FUT8: variants seen among roughly 807,000 people sequenced by gnomAD.
FUT8 encodes the protein fucosyltransferase 8.
In FUT8, 29 loss-of-function variants were observed where a neutral mutation model predicts 71.3. The ratio of observed to expected loss-of-function variants is 0.41; its 90% CI spans 0.30 to 0.55. The LOEUF is 0.55. FUT8 is among the 20% of genes least tolerant of loss of function. The probability of loss-of-function intolerance (pLI) is 0.34; values close to 1 mark genes in which losing one functional copy is unlikely to be tolerated. For synonymous variants in FUT8, 254 were observed against 239.3 expected, an observed-to-expected ratio of 1.06 and a Z score of -0.57; for missense variants, 544 against 702.1, an observed-to-expected ratio of 0.77 and a Z score of 2.55.
intron 1 of FUT8, 88 bp from the exon 2 acceptor site, chr14:65,455,528 TAAAGA>T (rs2065884410): frequency 5.1e-6 from 2 of 394,938 alleles, no homozygotes; most frequent in Non-Finnish European, 8.9e-6. Flanking sequence ...ACTGGCTACA[TAAAGA>T]AAAGTTAAAG....
At chr14:65,715,222 A>G (rs1486130748) in intron 7 of FUT8, among the ~76,000 whole-genome samples, 1 of 152,150 alleles carries the variant, frequency 6.6e-6, no homozygotes, top group Admixed American at 6.5e-5. Flanking sequence ...ATCTATGTAT[A>G]TGGCTTTTAT....
At chr14:65,531,451 T>C (rs2139913573) in intron 2 of FUT8, among the ~76,000 whole-genome samples, 1 of 152,078 alleles carries the variant, frequency 6.6e-6, no homozygotes, top group South Asian at 2.1e-4. Context: ...GCCCAGGGCA[T>C]CAGAATTGTA....
At chr14:65,407,675 A>G (rs563524898), upstream of FUT8, among the ~76,000 whole-genome samples, 1 of 152,330 alleles carries the variant, frequency 6.6e-6, no homozygotes, top group East Asian at 1.9e-4. Flanking sequence ...GATATACAAG[A>G]TAGAGTTTTT....
chr14:65,606,961 A>T (rs1394657310), intron 3 of FUT8, among the ~76,000 whole-genome samples: 1 of 151,888 alleles, frequency 6.6e-6, no homozygotes, highest in East Asian at 1.9e-4. Context: ...TCCTTGAAAG[A>T]TTATGATTCT....
chr14:65,442,529 A>ACATG (rs2065676885), intron 1 of FUT8, among the ~76,000 whole-genome samples: 1 of 151,502 alleles, frequency 6.6e-6, no homozygotes, highest in Non-Finnish European at 1.5e-5. Flanking sequence ...ATACATACAT[A>ACATG]CATACATACA....
At chr14:65,553,511 T>C (rs532077951) in intron 2 of FUT8, among the ~76,000 whole-genome samples, 1 of 152,282 alleles carries the variant, frequency 6.6e-6, no homozygotes, top group African/African-American at 2.4e-5. Flanking sequence ...GCTATTTTTG[T>C]GTGTGCAGAT....
intron 2 of FUT8, among the ~76,000 whole-genome samples, chr14:65,486,217 T>C (rs2139701457): frequency 6.6e-6 from 1 of 152,358 alleles, no homozygotes; most frequent in Admixed American, 6.5e-5. Flanking sequence ...CCCCCAATTA[T>C]TCTGCATATA....
chr14:65,512,636 T>C (rs1278449122), intron 2 of FUT8, among the ~76,000 whole-genome samples: 3 of 150,004 alleles, frequency 2.0e-5, no homozygotes. Context: ...TTTTGCCGGC[T>C]GTGGTGGCTC....
chr14:65,678,832 C>T (rs191721619), intron 7 of FUT8, among the ~76,000 whole-genome samples: 13 of 152,220 alleles, frequency 8.5e-5, no homozygotes, highest in African/African-American at 2.9e-4. Context: ...AAATACATAA[C>T]AGTGAGGGCC....
chr14:65,487,552 G>A (rs982580159), intron 2 of FUT8, among the ~76,000 whole-genome samples: 1 of 138,560 alleles, frequency 7.2e-6, no homozygotes, highest in Non-Finnish European at 1.5e-5. Context: ...GCAGCAGAGT[G>A]AGACTCCGTC....
intron 3 of FUT8, among the ~76,000 whole-genome samples, chr14:65,611,469 G>T (rs1052505668): frequency 1.3e-5 from 2 of 150,422 alleles, no homozygotes; most frequent in Admixed American, 1.3e-4. Flanking sequence ...TTCATTGATC[G>T]TCTCTCTGAT....
chr14:65,574,865 C>T lies in FUT8; in HGVS notation c.203+13099C>T, dbSNP rs1886669061. Reference sequence around the variant, plus strand: ...GAGCAGATTCTGTGAAACATATCCTCTGAGGAGGAACCATAAGCATGGCTT... The same window carrying T: ...GAGCAGATTCTGTGAAACATATCCTTTGAGGAGGAACCATAAGCATGGCTT... On this transcript the variant is annotated intron_variant, in intron 3 of 10. Coordinates refer to ENST00000673929, the MANE Select transcript of FUT8 (RefSeq NM_001371533.1). The surrounding 1 kb of genome is among the most constrained non-coding windows in gnomAD (Gnocchi z 5.2). Among the ~76,000 whole-genome samples, 1 of 152,128 alleles carries T rather than the reference C, an allele frequency of 6.6e-6. No individual in the cohort carries two copies. Among genetic ancestry groups the T allele is most frequent in the Admixed American group, 6.5e-5 (1 of 15,274 alleles).
intron 3 of FUT8, among the ~76,000 whole-genome samples, chr14:65,604,815 A>G (rs1888486584): frequency 6.6e-6 from 1 of 151,964 alleles, no homozygotes; most frequent in Non-Finnish European, 1.5e-5. Flanking sequence ...TGAAGTATAT[A>G]TAACTTCTTA....
rs919504055 is a variant in FUT8 at position 65,413,807 on chromosome 14, A to G, written c.-326+593A>G. On this transcript the variant is annotated intron_variant, in intron 1 of 10. Transcript: ENST00000673929. This position sits in a 1 kb window ranked among gnomAD's most constrained non-coding sequence, Gnocchi z 4.1. Reference sequence around the variant, plus strand: ...ACGAGCTGGCGGCTTTTGAGTATCAACTTATTTGGGAAGGTTAAATGAGTC... The same window carrying G: ...ACGAGCTGGCGGCTTTTGAGTATCAGCTTATTTGGGAAGGTTAAATGAGTC... Among the ~76,000 whole-genome samples the G allele has an allele frequency of 3.3e-5, 5 of 152,160 alleles. No individual in the cohort carries two copies. The highest frequency in any genetic ancestry group is 9.7e-5 in the African/African-American group (4 of 41,432).
At chr14:65,405,347 T>C in the FUT8 span, among the ~76,000 whole-genome samples, 2 of 152,306 alleles carry the variant, frequency 1.3e-5, no homozygotes, top group Admixed American at 6.5e-5. Context: ...TTTGTGATTA[T>C]GGAAAAATGA....
At chr14:65,596,349 A>G (rs1274070950) in intron 3 of FUT8, among the ~76,000 whole-genome samples, 1 of 152,252 alleles carries the variant, frequency 6.6e-6, no homozygotes, top group Non-Finnish European at 1.5e-5. Context: ...GATTAAACAT[A>G]CTTATTAATC....
upstream of FUT8, chr14:65,412,039 TTCTC>T: frequency 2.2e-6 from 1 of 456,742 alleles, no homozygotes; most frequent in South Asian, 1.5e-5. Flanking sequence ...CCCCGTGCTG[TTCTC>T]TTTCCCGTAC....
chr14:65,662,582 CAAAAA>C (rs1566881968), intron 6 of FUT8, among the ~76,000 whole-genome samples: 1 of 152,100 alleles, frequency 6.6e-6, no homozygotes, highest in African/African-American at 2.4e-5. Flanking sequence ...CACTAATACT[CAAAAA>C]GAACACACAC....
intron 9 of FUT8, among the ~76,000 whole-genome samples, chr14:65,729,034 G>GTT (rs557668131): frequency 0.026 from 2,732 of 103,562 alleles, 83 homozygotes; most frequent in African/African-American, 0.047. Flanking sequence ...TTGTAAACAT[G>GTT]TTTTTTTTTT....
Sources: allele counts gnomAD v4.1 joint callset (sites outside exome capture counted in the v4.1 genomes callset), GRCh38; gene constraint gnomAD v4.1.1; non-coding constraint Gnocchi (gnomAD v3.1); transcripts MANE v1.5; gene names NCBI Gene and HGNC (gene_info 2026-07-23, HGNC 2026-07-21).